DPP10: variants seen among roughly 807,000 people sequenced by gnomAD.
The protein encoded by DPP10 is dipeptidyl peptidase like 10.
A neutral mutation model predicts 120.9 loss-of-function variants in DPP10; 33 were observed. The ratio of observed to expected loss-of-function variants is 0.27; its 90% CI spans 0.21 to 0.37. DPP10 has a LOEUF of 0.37. Among genes scored for constraint, DPP10 ranks in the 10% least tolerant of loss-of-function variants. The pLI is 1.00. For synonymous variants in DPP10, 337 were observed against 326.1 expected (o/e 1.03, Z -0.36); for missense variants, 816 against 942.8 (o/e 0.87, Z 1.76).
chr2:115,266,365 C>T (rs1407469274), intron 1 of DPP10, among the ~76,000 whole-genome samples: 2 of 152,114 alleles, frequency 1.3e-5, no homozygotes, highest in Non-Finnish European at 1.5e-5. Flanking sequence ...TGGTCACCTA[C>T]GTGCTATTGT....
intron 5 of DPP10, among the ~76,000 whole-genome samples, chr2:115,549,093 C>T (rs930826060): frequency 6.6e-6 from 1 of 152,088 alleles, no homozygotes; most frequent in Non-Finnish European, 1.5e-5. Context: ...GCTATGATTC[C>T]AGAAGCCATG....
chr2:114,694,901 GAGAGA>G (rs1190852718), intron 1 of DPP10, among the ~76,000 whole-genome samples: 2 of 151,964 alleles, frequency 1.3e-5, no homozygotes, highest in Admixed American at 1.3e-4. Context: ...GGGAGAAGAA[GAGAGA>G]AGAATCTTTC....
At chr2:114,905,923 T>C (rs982786410) in intron 1 of DPP10, among the ~76,000 whole-genome samples, 8 of 152,342 alleles carry the variant, frequency 5.3e-5, no homozygotes, top group Middle Eastern at 6.8e-3. Flanking sequence ...TTTTATTAGT[T>C]ATAATAACTT....
intron 1 of DPP10, among the ~76,000 whole-genome samples, chr2:115,184,309 T>C (rs1362107763): frequency 6.6e-6 from 1 of 152,214 alleles, no homozygotes; most frequent in African/African-American, 2.4e-5. Context: ...TTTTGCTGCC[T>C]GATGAAGATG....
chr2:115,117,788 T>C (rs901932575), intron 1 of DPP10, among the ~76,000 whole-genome samples: 2 of 152,094 alleles, frequency 1.3e-5, no homozygotes, highest in Admixed American at 1.3e-4. Flanking sequence ...CAGATACAAC[T>C]AGACAAGGAA....
intron 1 of DPP10, among the ~76,000 whole-genome samples, chr2:115,182,700 G>C (rs749153810): frequency 4.5e-4 from 69 of 152,122 alleles, no homozygotes; most frequent in Non-Finnish European, 7.5e-4. Flanking sequence ...TTTACTCCTT[G>C]GAATAAGTGA....
intron 1 of DPP10, among the ~76,000 whole-genome samples, chr2:114,622,798 A>G (rs553068695): frequency 6.6e-6 from 1 of 152,148 alleles, no homozygotes; most frequent in Non-Finnish European, 1.5e-5. Context: ...GAAAGACATC[A>G]TCAGAGAAAA....
intron 5 of DPP10, among the ~76,000 whole-genome samples, chr2:115,617,761 T>C (rs910341330): frequency 6.6e-6 from 1 of 152,126 alleles, no homozygotes; most frequent in Admixed American, 6.6e-5. Flanking sequence ...AACTAACTTC[T>C]CAGAATGTAC....
chr2:115,506,987 G>C (rs974432320), intron 4 of DPP10, among the ~76,000 whole-genome samples: 1 of 151,076 alleles, frequency 6.6e-6, no homozygotes, highest in Non-Finnish European at 1.5e-5. Context: ...ATATTGCCTC[G>C]TGAACAAAGG....
intron 1 of DPP10, among the ~76,000 whole-genome samples, chr2:114,585,214 G>C (rs532038803): frequency 6.6e-6 from 1 of 152,146 alleles, no homozygotes; most frequent in Non-Finnish European, 1.5e-5. Flanking sequence ...AGCTCTTTCA[G>C]ATTGTTGACA....
intron 1 of DPP10, among the ~76,000 whole-genome samples, chr2:114,452,368 G>A (rs904388158): frequency 3.3e-5 from 5 of 152,106 alleles, no homozygotes; most frequent in African/African-American, 1.2e-4. Context: ...GGTCGGGGGT[G>A]ATCTCTCTTG....
intron 1 of DPP10, among the ~76,000 whole-genome samples, chr2:114,959,507 C>T (rs1164515878): frequency 6.6e-6 from 1 of 152,080 alleles, no homozygotes; most frequent in Non-Finnish European, 1.5e-5. Flanking sequence ...CTTCTTTTTG[C>T]CTATTATGAA....
chr2:114,695,414 C>A (rs1700013440), intron 1 of DPP10, among the ~76,000 whole-genome samples: 1 of 152,040 alleles, frequency 6.6e-6, no homozygotes, highest in South Asian at 2.1e-4. Flanking sequence ...TAAACCAATG[C>A]TAAACAGTTG....
chr2:114,683,379 T>C (rs889014462), intron 1 of DPP10, among the ~76,000 whole-genome samples: 1 of 151,730 alleles, frequency 6.6e-6, no homozygotes, highest in Non-Finnish European at 1.5e-5. Context: ...GTGACGGAAA[T>C]GGAATTCTCA....
chr2:115,272,964 A>G (rs1310648273), intron 1 of DPP10, among the ~76,000 whole-genome samples: 2 of 152,364 alleles, frequency 1.3e-5, no homozygotes, highest in Non-Finnish European at 2.9e-5. Context: ...CTGCACTGTA[A>G]CATGCTATTA....
In DPP10 at chr2:115,782,437, TG is replaced by T. The variant is rs747740274; in HGVS notation, c.1531+40del. 40 of 1,569,988 alleles carry T rather than the reference TG, an allele frequency of 2.5e-5. No individual in the cohort carries two copies. In the Middle Eastern group the frequency reaches 6.7e-4, roughly 26 times the overall value. On this transcript the variant is annotated intron_variant, in intron 17 of 25. Coordinates refer to ENST00000410059, the MANE Select transcript of DPP10 (RefSeq NM_020868.6). ...GAAGACAATTAAGAATAGTTATGGT[TG>T]GCATTAGTCTTAGACATCGTGTTAT...
At chr2:115,126,390 C>T (rs2050086543) in intron 1 of DPP10, among the ~76,000 whole-genome samples, 2 of 152,204 alleles carry the variant, frequency 1.3e-5, no homozygotes, top group Admixed American at 1.3e-4. Context: ...GCGTGAGCCA[C>T]TGCACCTGGC....
chr2:114,644,371 T>C (rs1026064982), intron 1 of DPP10, among the ~76,000 whole-genome samples: 9 of 151,760 alleles, frequency 5.9e-5, no homozygotes, highest in Non-Finnish European at 1.3e-4. Context: ...TGTGTCTGTG[T>C]GTGTGTGTAT....
At chr2:115,608,533 T>C (rs1437756115) in intron 5 of DPP10, among the ~76,000 whole-genome samples, 1 of 152,186 alleles carries the variant, frequency 6.6e-6, no homozygotes, top group African/African-American at 2.4e-5. Context: ...CATTGCCATG[T>C]AGTTGTTCCA....
Sources: gnomAD v4.1 joint callset for allele counts (sites outside exome capture counted in the v4.1 genomes callset) on GRCh38, gnomAD v4.1.1 for gene constraint, MANE v1.5 for transcripts, NCBI Gene and HGNC (gene_info 2026-07-23, HGNC 2026-07-21) for gene names.